HOXC5: variants seen among roughly 807,000 people sequenced by gnomAD.
HOXC5 encodes homeobox protein Hox-C5.
Under a neutral mutation model 20.1 loss-of-function variants are expected in HOXC5, and 19 were observed. The ratio of observed to expected loss-of-function variants is 0.94; its 90% confidence interval spans 0.66 to 1.38. The LOEUF is 1.38. HOXC5 is among the 40% of genes most tolerant of loss of function. The pLI is 0.00. For missense variants in HOXC5, 330 were observed against 300.1 expected, an observed-to-expected ratio of 1.10 and a Z score of -0.74; for synonymous variants, 124 against 117.0, an observed-to-expected ratio of 1.06 and a Z score of -0.39.
At chr12:54,017,406 CA>C in the HOXC5 span, 1 of 152,036 alleles carries the variant, frequency 6.6e-6, no homozygotes, top group Admixed American at 6.6e-5. Flanking sequence ...AGAGTGACAG[CA>C]GCGCTCGGTA....
chr12:54,033,436 G>T lies in HOXC5; in HGVS notation c.314G>T (p.Arg105Leu), dbSNP rs1565745423. 6.2e-6 allele frequency: 10 copies of T among 1,601,894 alleles called. No homozygotes were observed. The East Asian group carries it at 2.0e-4, about 32-fold the overall frequency. ...GGGATGTACAGTCAGAAGGCGGCTC[G>T]CCCGGCGCTGGAGGAGCGAGCTAAG... ...NPGMYSQKAA[R>L]PALEERAKSS... Residue 105 changes from arginine (R) to leucine (L), a missense_variant, in exon 1 of 2, where the codon CGC becomes CTC. Physicochemically the swap from Arg to Leu is moderately radical, Grantham distance 102. Transcript: ENST00000312492.
upstream of HOXC5, chr12:54,029,827 C>A: frequency 6.2e-7 from 1 of 1,614,068 alleles, no homozygotes; most frequent in Non-Finnish European, 8.5e-7. Context: ...GGTTCCAGAA[C>A]CGCCGGATGA....
the HOXC5 span, among the ~76,000 whole-genome samples, chr12:54,025,037 G>A: frequency 4.6e-5 from 7 of 152,088 alleles, no homozygotes; most frequent in East Asian, 3.8e-4. Context: ...AGCCCCTTCC[G>A]AATGCCTGAT....
At chr12:54,026,509 T>C in the HOXC5 span, among the ~76,000 whole-genome samples, 9 of 152,356 alleles carry the variant, frequency 5.9e-5, no homozygotes, top group South Asian at 1.7e-3. Flanking sequence ...TTCCCCTTCA[T>C]TTCCTTGGGG....
chr12:54,033,232 G>C lies in HOXC5; in HGVS notation c.110G>C (p.Arg37Thr). ...TCGGCCTCAGAGGTGCAGGCATCCA[G>C]GTACTGCTACGGCGGATTGGACTTA... ...YGSASEVQAS[R>T]YCYGGLDLSI... Residue 37 changes from arginine (R) to threonine (T), a missense_variant, in exon 1 of 2, where the codon AGG becomes ACG. By Grantham distance (71) the Arg-to-Thr change is moderately conservative. Coordinates refer to ENST00000312492, the MANE Select transcript of HOXC5 (RefSeq NM_018953.4). The C allele has an allele frequency of 4.3e-6, 7 of 1,614,188 alleles. No homozygotes were observed. The highest frequency in any genetic ancestry group is 5.9e-6 in the Non-Finnish European group (7 of 1,180,042).
At chr12:54,033,954 G>A (rs1263648906) in intron 1 of HOXC5, 9 of 522,562 alleles carry the variant, frequency 1.7e-5, no homozygotes, top group South Asian at 3.8e-5. Flanking sequence ...CAGCGACTCG[G>A]GAGGGGCGGG....
chr12:54,017,043 G>A, the HOXC5 span: 6 of 152,060 alleles, frequency 3.9e-5, no homozygotes, highest in Non-Finnish European at 8.8e-5. Context: ...GCCGAAGCTG[G>A]GGGCAGCTGG....
chr12:54,026,868 C>T, the HOXC5 span, among the ~76,000 whole-genome samples: 2 of 152,066 alleles, frequency 1.3e-5, no homozygotes, highest in African/African-American at 2.4e-5. Flanking sequence ...TTGATTACTC[C>T]GCTTTGTTAC....
At chr12:54,028,441 T>C (rs1940828322), upstream of HOXC5, 2 of 1,465,348 alleles carry the variant, frequency 1.4e-6, no homozygotes, top group East Asian at 4.6e-5. Context: ...GCCGTCCCTA[T>C]AACCATCTAG....
chr12:54,028,924 G>A, upstream of HOXC5: 3 of 1,603,572 alleles, frequency 1.9e-6, no homozygotes, highest in Non-Finnish European at 2.5e-6. Flanking sequence ...GCACAGTGGT[G>A]AGTTTTACAG....
At chr12:54,026,886 G>A in the HOXC5 span, among the ~76,000 whole-genome samples, 1 of 151,714 alleles carries the variant, frequency 6.6e-6, no homozygotes, top group Non-Finnish European at 1.5e-5. Flanking sequence ...TACACAGAAG[G>A]AAAAGATCAT....
At chr12:54,028,414 G>T (rs1026056594), upstream of HOXC5, 5 of 1,248,386 alleles carry the variant, frequency 4.0e-6, no homozygotes, top group South Asian at 4.7e-5. Context: ...TTGTCATTTT[G>T]TCTGTCCTGG....
Position 54,034,864 on chromosome 12 carries a change from C to T in HOXC5, c.*372C>T, listed in dbSNP as rs1288756934. The T allele has an allele frequency of 1.0e-5, 3 of 290,280 alleles. No individual in the cohort carries two copies. The highest frequency in any genetic ancestry group is 8.4e-5 in the East Asian group (1 of 11,846). 18.0% of individuals were successfully genotyped at this position (290,280 alleles called of 1,614,324 possible). On this transcript the variant is annotated 3_prime_UTR_variant, in exon 2 of 2. Coordinates refer to ENST00000312492, the MANE Select transcript of HOXC5 (RefSeq NM_018953.4). ...CTCCCGAGTTAAGGTGGGCCCGGCCCGCGCCACAGGACCCTCGCCGGACCC... is the reference window on the plus strand; with the variant it reads ...CTCCCGAGTTAAGGTGGGCCCGGCCTGCGCCACAGGACCCTCGCCGGACCC...
In HOXC5 at chr12:54,033,368, G is replaced by C; in HGVS notation, c.246G>C (p.Pro82=). The C allele has an allele frequency of 6.2e-7, 1 of 1,612,776 alleles. No individual in the cohort carries two copies. The highest frequency in any genetic ancestry group is 8.5e-7 in the Non-Finnish European group (1 of 1,179,418). Reference sequence around the variant, plus strand: ...CCGCCTGCAGCGCCGCGGCCGCTCCGGGACACGCTCCGGGCAGAGACGAAG... The same window carrying C: ...CCGCCTGCAGCGCCGCGGCCGCTCCCGGACACGCTCCGGGCAGAGACGAAG... ...DRPACSAAAA[P]GHAPGRDEAA... is the part of the protein sequence containing the mutation. The change falls in exon 1 of 2, where the codon CCG becomes CCC. Residue 82 remains proline (P), a synonymous_variant. Transcript: ENST00000312492.
At chr12:54,029,410 C>CG (rs1565742000), upstream of HOXC5, among the ~76,000 whole-genome samples, 1 of 87,864 alleles carries the variant, frequency 1.1e-5, no homozygotes, top group East Asian at 5.5e-4. Context: ...CCCGCCCCCC[C>CG]GCCCCCCCCC....
chr12:54,023,382 G>A, the HOXC5 span, among the ~76,000 whole-genome samples: 1 of 152,194 alleles, frequency 6.6e-6, no homozygotes, highest in Admixed American at 6.5e-5. Flanking sequence ...TGAAGTGCTG[G>A]TAAGGAAAGG....
chr12:54,028,997 C>CTTCTTCCCTAGAAGAAGTTCCCTA, upstream of HOXC5: 1 of 1,423,740 alleles, frequency 7.0e-7, no homozygotes, highest in East Asian at 2.3e-5. Context: ...GAAGAACGGG[C>CTTCTTCCCTAGAAGAAGTTCCCTA]GGAGAGAGTT....
chr12:54,024,728 T>G, the HOXC5 span, among the ~76,000 whole-genome samples: 1 of 148,326 alleles, frequency 6.7e-6, no homozygotes, highest in East Asian at 2.0e-4. Context: ...TAAAGGGGAG[T>G]AAGGCTGGAG....
At chr12:54,031,115 C>T (rs1386924139), upstream of HOXC5, among the ~76,000 whole-genome samples, 1 of 152,260 alleles carries the variant, frequency 6.6e-6, no homozygotes, top group East Asian at 1.9e-4. Context: ...GGCACCAACC[C>T]CACGCAGGCC....
Sources: gnomAD v4.1 joint callset for allele counts (sites outside exome capture counted in the v4.1 genomes callset) on GRCh38, gnomAD v4.1.1 for gene constraint, MANE v1.5 for transcripts, NCBI Gene and HGNC (gene_info 2026-07-23, HGNC 2026-07-21) for gene names.